ATRN: variants seen among roughly 807,000 people sequenced by gnomAD.
The protein encoded by ATRN is attractin-2.
ATRN carries 54 observed loss-of-function variants against 178.7 expected under a neutral mutation model. The observed-to-expected ratio is 0.30, with a 90% CI of 0.24 to 0.38. The LOEUF is 0.38. Among genes scored for constraint, ATRN ranks in the 10% least tolerant of loss-of-function variants. The probability of loss-of-function intolerance (pLI) is 1.00; values close to 1 mark genes in which losing one functional copy is unlikely to be tolerated. For synonymous variants in ATRN, 636 were observed against 663.0 expected, an observed-to-expected ratio of 0.96 and a Z score of 0.63; for missense variants, 1,443 against 1,815.1, an observed-to-expected ratio of 0.79 and a Z score of 3.73.
intron 25 of ATRN, among the ~76,000 whole-genome samples, chr20:3,630,792 T>C (rs926782280): frequency 6.6e-6 from 1 of 152,204 alleles, no homozygotes; most frequent in African/African-American, 2.4e-5. Context: ...ACTTTGGTTT[T>C]TCTAGACGAT....
intron 1 of ATRN, among the ~76,000 whole-genome samples, chr20:3,476,015 T>G (rs190477311): frequency 6.6e-5 from 10 of 152,278 alleles, no homozygotes; most frequent in Middle Eastern, 3.4e-3. Context: ...TGTGTTGGCA[T>G]GTGCCTGTGG....
At chr20:3,553,644 A>G (rs902087890) in intron 6 of ATRN, among the ~76,000 whole-genome samples, 2 of 152,132 alleles carry the variant, frequency 1.3e-5, no homozygotes, top group Non-Finnish European at 2.9e-5. Context: ...TCCTGCCATC[A>G]TTCACAGCAC....
At chr20:3,487,200 T>TA in intron 1 of ATRN, among the ~76,000 whole-genome samples, 1 of 152,198 alleles carries the variant, frequency 6.6e-6, no homozygotes, top group South Asian at 2.1e-4. Flanking sequence ...TATTTTTTGA[T>TA]ACTTTTGATC....
intron 1 of ATRN, among the ~76,000 whole-genome samples, chr20:3,532,769 CTTT>C (rs5839998): frequency 6.8e-6 from 1 of 147,304 alleles, no homozygotes; most frequent in Non-Finnish European, 1.5e-5. Flanking sequence ...CCTTTATACT[CTTT>C]TTTTTTTTGA....
Position 3,522,867 on chromosome 20 carries a change from C to A in ATRN, c.411-12386C>A, listed in dbSNP as rs182223021. Among the ~76,000 whole-genome samples the A allele has an allele frequency of 2.0e-3, 305 of 152,092 alleles. 1 individual carries two copies. The highest frequency in any genetic ancestry group is 7.1e-3 in the African/African-American group (294 of 41,494). The stretch of plus-strand genomic sequence containing the variant: ...TAACAAACAGAAAGGAATAGGATCA[C>A]CATCAACAAAAAGGACGTCCATACA... On this transcript the variant is annotated intron_variant, in intron 1 of 28. Transcript: ENST00000262919.
intron 1 of ATRN, among the ~76,000 whole-genome samples, chr20:3,530,572 G>A (rs1161579731): frequency 6.6e-6 from 1 of 151,700 alleles, no homozygotes; most frequent in African/African-American, 2.4e-5. Flanking sequence ...GAGCCACTAC[G>A]CCTGGCCAGG....
intron 27 of ATRN, among the ~76,000 whole-genome samples, chr20:3,640,148 G>A (rs1327782341): frequency 6.6e-6 from 1 of 152,196 alleles, no homozygotes; most frequent in Non-Finnish European, 1.5e-5. Context: ...TGAGAGTCAA[G>A]TATGGCCAAG....
intron 1 of ATRN, chr20:3,490,330 C>G: frequency 2.0e-6 from 2 of 1,013,828 alleles, no homozygotes. Flanking sequence ...TTGTCTCTTT[C>G]GCCCATCCAG....
In ATRN at chr20:3,585,326, C is replaced by G. The variant is rs1019966050; in HGVS notation, c.3184+446C>G. ...GACAGACTGGGAGAAAATACCTGCA[C>G]TGCATGTAACAACTGATGATCATCC... On this transcript the variant is annotated intron_variant, in intron 18 of 28. Transcript: ENST00000262919. Among the ~76,000 whole-genome samples, 42 of 152,190 alleles carry G rather than the reference C, an allele frequency of 2.8e-4. 1 individual carries two copies. Among genetic ancestry groups the G allele is most frequent in the Non-Finnish European group, 1.5e-5 (1 of 68,042 alleles).
At chr20:3,567,298 C>T (rs951936246) in intron 11 of ATRN, among the ~76,000 whole-genome samples, 6 of 152,150 alleles carry the variant, frequency 3.9e-5, no homozygotes, top group Non-Finnish European at 7.3e-5. Context: ...TCTCCTAGCA[C>T]AGGATTTGGC....
In ATRN at chr20:3,649,547, A is replaced by G. The variant is rs2087131270; in HGVS notation, c.*2700A>G. The G allele has an allele frequency of 6.6e-6, 1 of 152,236 alleles. No individual in the cohort carries two copies. Among genetic ancestry groups the G allele is most frequent in the African/African-American group, 2.4e-5 (1 of 41,464 alleles). The allele number at this position is 152,236 out of a possible 1,614,324, so 9.4% of individuals were successfully genotyped here. On this transcript the variant is annotated 3_prime_UTR_variant, in exon 29 of 29. Transcript: ENST00000262919. ...GCACCAATTAGGTATTTCTTAAAAC[A>G]GGACTCATCTGTCAGAGTGCACATG...
intron 10 of ATRN, among the ~76,000 whole-genome samples, chr20:3,564,577 A>C (rs951250304): frequency 6.6e-6 from 1 of 150,402 alleles, no homozygotes; most frequent in African/African-American, 2.5e-5. Context: ...AAAATTAATC[A>C]ATCTATGGGA....
rs235534 is a variant in ATRN at position 3,590,885 on chromosome 20, G to A, written c.3185-284G>A. Reference sequence around the variant, plus strand: ...CTTTCCCCATCCTTCTATTTTTTAAGTATACTGTCATGAGCATACGTTATT... The same window carrying A: ...CTTTCCCCATCCTTCTATTTTTTAAATATACTGTCATGAGCATACGTTATT... On this transcript the variant is annotated intron_variant, in intron 18 of 28. Coordinates refer to ENST00000262919, the MANE Select transcript of ATRN (RefSeq NM_139321.3). Among the ~76,000 whole-genome samples the A allele has an allele frequency of 0.79, 120,312 of 152,088 alleles. 47,967 individuals are homozygous for A. Among genetic ancestry groups the A allele is most frequent in the East Asian group, 1 (5,175 of 5,184 alleles).
At chr20:3,580,262 G>A (rs235543) in intron 15 of ATRN, among the ~76,000 whole-genome samples, 128,626 of 152,102 alleles carry the variant, frequency 0.85, 54,760 homozygotes, top group East Asian at 1. Context: ...AATGACTCTC[G>A]AGTCCACAGA....
intron 24 of ATRN, among the ~76,000 whole-genome samples, chr20:3,605,773 A>G (rs1016122786): frequency 2.6e-5 from 4 of 152,192 alleles, no homozygotes; most frequent in African/African-American, 9.6e-5. Flanking sequence ...GAAGGAGAGC[A>G]TCAGGAAGAA....
At chr20:3,587,681 A>T (rs2086377032) in intron 18 of ATRN, among the ~76,000 whole-genome samples, 1 of 152,028 alleles carries the variant, frequency 6.6e-6, no homozygotes, top group South Asian at 2.1e-4. Context: ...CTTTGTTCTT[A>T]TTTTGCAAGA....
chr20:3,565,725 G>C (rs1368420717), intron 11 of ATRN, among the ~76,000 whole-genome samples: 1 of 147,992 alleles, frequency 6.8e-6, no homozygotes, highest in Non-Finnish European at 1.5e-5. Flanking sequence ...TTGAACCAGG[G>C]AGTTGGAGGT....
intron 24 of ATRN, among the ~76,000 whole-genome samples, chr20:3,616,624 C>T (rs2086849839): frequency 6.6e-6 from 1 of 152,076 alleles, no homozygotes; most frequent in African/African-American, 2.4e-5. Flanking sequence ...TATGAAGAGA[C>T]TGGAGATTGC....
intron 1 of ATRN, among the ~76,000 whole-genome samples, chr20:3,529,234 A>G (rs2085416145): frequency 6.6e-6 from 1 of 152,218 alleles, no homozygotes; most frequent in Admixed American, 6.5e-5. Context: ...ACTGATGTGG[A>G]ATAAGTAGAA....
Sources: gnomAD v4.1 joint callset for allele counts (sites outside exome capture counted in the v4.1 genomes callset) on GRCh38, gnomAD v4.1.1 for gene constraint, MANE v1.5 for transcripts, NCBI Gene and HGNC (gene_info 2026-07-23, HGNC 2026-07-21) for gene names.